FMR1: variants seen among roughly 807,000 people sequenced by gnomAD.
FMR1 encodes the protein fragile X messenger ribonucleoprotein 1, also known as FMRP translational regulator 1.
In FMR1, 13 loss-of-function variants were observed where a neutral mutation model predicts 50.6. The observed-to-expected ratio is 0.26, with a 90% confidence interval of 0.17 to 0.41. The LOEUF (loss-of-function observed/expected upper bound fraction) is 0.41. Ranked by LOEUF, FMR1 falls within the 10% of genes least tolerant of loss-of-function variation. The pLI is 1.00. For missense variants in FMR1, 316 were observed against 491.3 expected, an observed-to-expected ratio of 0.64 and a Z score of 3.37; for synonymous variants, 138 against 164.1, an observed-to-expected ratio of 0.84 and a Z score of 1.22.
chrX:147,913,354 T>C (rs1341189315), intron 1 of FMR1: 1 of 112,430 alleles, frequency 8.9e-6, no homozygotes, highest in African/African-American at 3.2e-5. Context: ...TATAAATTCA[T>C]CTATAAATTC....
At chrX:147,930,085 G>C in intron 6 of FMR1, 43 bp from the exon 7 acceptor site, 1 of 1,137,149 alleles carries the variant, frequency 8.8e-7, no homozygotes, top group Non-Finnish European at 1.2e-6. Flanking sequence ...ATTCATCTGG[G>C]GCAATTGCCT....
intron 7 of FMR1, among the ~76,000 whole-genome samples, chrX:147,932,131 A>G (rs1557178814): frequency 1.8e-5 from 2 of 111,853 alleles, no homozygotes; most frequent in Admixed American, 1.9e-4. Flanking sequence ...TATATTGCTG[A>G]TGTCATTGGT....
In FMR1 at chrX:147,932,723, A is replaced by G. The variant is rs781931767; in HGVS notation, c.840A>G (p.Glu280=). ...DAVKKARSFL[E]FAEDVIQVPR... is the part of the protein sequence containing the mutation. Reference sequence around the variant, plus strand: ...TGAAAAAAGCTAGAAGCTTTCTCGAATTTGCTGAAGATGTAATACAAGTTC... The same window carrying G: ...TGAAAAAAGCTAGAAGCTTTCTCGAGTTTGCTGAAGATGTAATACAAGTTC... The change falls in exon 9 of 17, where the codon GAA becomes GAG. Residue 280 remains glutamate (E), a synonymous_variant. Transcript: ENST00000370475. 5 of 1,208,176 alleles carry G rather than the reference A, an allele frequency of 4.1e-6. No individual in the cohort carries two copies. Among genetic ancestry groups the G allele is most frequent in the Non-Finnish European group, 3.4e-6 (3 of 893,071 alleles).
At chrX:147,925,194 A>G (rs1012785844) in intron 2 of FMR1, 2 of 196,271 alleles carry the variant, frequency 1.0e-5, no homozygotes, top group Non-Finnish European at 1.9e-5. Flanking sequence ...ACTGGTACTA[A>G]TATTCAAATA....
At chrX:147,939,530 T>C (rs997226494) in intron 12 of FMR1, among the ~76,000 whole-genome samples, 20 of 112,002 alleles carry the variant, frequency 1.8e-4, no homozygotes, top group African/African-American at 6.5e-4. Flanking sequence ...GTGTGTACTC[T>C]ATTTACTTGG....
chrX:147,917,040 T>C (rs2042905117), intron 1 of FMR1, among the ~76,000 whole-genome samples: 1 of 112,559 alleles, frequency 8.9e-6, no homozygotes, highest in Non-Finnish European at 1.9e-5. Flanking sequence ...AGGTTTTCTT[T>C]AGGAGGGATA....
chrX:147,945,109 A>ATG (rs199845941), intron 15 of FMR1, 58 bp downstream of exon 15: 93,553 of 1,162,096 alleles, frequency 0.081, 2,844 homozygotes, highest in Middle Eastern at 0.12. Context: ...TTGAAGTTCC[A>ATG]TGAGAAATCC....
At chrX:147,918,565 T>TTTTTTTTTTTTG (rs2043000018) in intron 1 of FMR1, among the ~76,000 whole-genome samples, 1 of 91,729 alleles carries the variant, frequency 1.1e-5, no homozygotes, top group Non-Finnish European at 2.1e-5. Context: ...CTTTTTTTTT[T>TTTTTTTTTTTTG]TTTTTTTTTT....
Position 147,932,520 on chromosome X carries a change from G to A in FMR1, c.726G>A (p.Gln242=), listed in dbSNP as rs989426073. The A allele has an allele frequency of 1.7e-6, 2 of 1,205,326 alleles. No individual in the cohort carries two copies. The highest frequency in any genetic ancestry group is 3.5e-5 in the African/African-American group (2 of 57,097). The change falls in exon 8 of 17, where the codon CAG becomes CAA. Residue 242 remains glutamine (Q), a synonymous_variant. Coordinates refer to ENST00000370475, the MANE Select transcript of FMR1 (RefSeq NM_002024.6). ...LAIGTHGANI[Q]QARKVPGVTA... The stretch of plus-strand genomic sequence containing the variant: ...TTGGTACTCATGGTGCTAATATTCA[G>A]CAAGCTAGAAAAGTACCTGGGGTCA...
chrX:147,946,115 G>C (rs2044162035), intron 16 of FMR1, among the ~76,000 whole-genome samples: 1 of 105,343 alleles, frequency 9.5e-6, no homozygotes, highest in South Asian at 4.4e-4. Flanking sequence ...AACCTCAGGT[G>C]ATCTGCCCAC....
intron 2 of FMR1, among the ~76,000 whole-genome samples, chrX:147,923,572 G>A (rs1286372958): frequency 9.0e-6 from 1 of 111,722 alleles, no homozygotes; most frequent in Non-Finnish European, 1.9e-5. Context: ...TTAAGAATTT[G>A]TCTAGTTTAT....
intron 10 of FMR1, 111 bp from the exon 11 acceptor site, chrX:147,937,355 T>C (rs781877158): frequency 1.7e-5 from 9 of 525,222 alleles, no homozygotes; most frequent in South Asian, 1.4e-4. Flanking sequence ...CAAAACTGTT[T>C]ATAATAACTT....
intron 13 of FMR1, among the ~76,000 whole-genome samples, chrX:147,942,759 C>A (rs1431562831): frequency 8.9e-6 from 1 of 112,440 alleles, no homozygotes; most frequent in Non-Finnish European, 1.9e-5. Context: ...TATCTATATT[C>A]ATACATTTTA....
At position 147,950,824 on chromosome X, in the gene FMR1, G is replaced by A. The variant is rs782412295; in HGVS notation, c.*1980G>A. 1.3e-5 allele frequency: 4 copies of A among 307,627 alleles called. No individual in the cohort carries two copies. The highest frequency in any genetic ancestry group is 1.2e-4 in the South Asian group (4 of 34,108). The allele number at this position is 307,627 out of a possible 1,213,427, so 25.4% of individuals were successfully genotyped here. A position where few individuals can be genotyped will look rare whatever the true frequency, so the allele number is the denominator to read the frequency against. ...ATAAAGCGAAAAACTCAACCAAATGGTACAAAACCACAGTGTACCATTAAA... is the reference window on the plus strand; with the variant it reads ...ATAAAGCGAAAAACTCAACCAAATGATACAAAACCACAGTGTACCATTAAA... On this transcript the variant is annotated 3_prime_UTR_variant, in exon 17 of 17. Coordinates refer to ENST00000370475, the MANE Select transcript of FMR1 (RefSeq NM_002024.6).
In FMR1 at chrX:147,915,981, C is replaced by T. The variant is rs146924565; in HGVS notation, c.51+3751C>T. On this transcript the variant is annotated intron_variant, in intron 1 of 16. Transcript: ENST00000370475. ...TTGTGCTATAACACTGCCTTAGCATCCTATAACTATAGTTACAGTGTTATA... is the reference window on the plus strand; with the variant it reads ...TTGTGCTATAACACTGCCTTAGCATTCTATAACTATAGTTACAGTGTTATA... Among the ~76,000 whole-genome samples the T allele has an allele frequency of 9.7e-3, 1,089 of 112,141 alleles. 12 individuals are homozygous for T. Among genetic ancestry groups the T allele is most frequent in the African/African-American group, 0.034 (1,037 of 30,852 alleles).
intron 8 of FMR1, 28 bp from the exon 9 acceptor site, chrX:147,932,657 T>C (rs1172216816): frequency 8.4e-7 from 1 of 1,197,046 alleles, no homozygotes; most frequent in Non-Finnish European, 1.1e-6. Context: ...GCTAATCTTT[T>C]GTCTTAAAAT....
At chrX:147,941,693 A>T (rs2044008084) in intron 13 of FMR1, among the ~76,000 whole-genome samples, 1 of 176 alleles carries the variant, frequency 5.7e-3, no homozygotes, top group Non-Finnish European at 0.013. Context: ...AAGTATGTTT[A>T]TGTGTAATCT....
chrX:147,944,719 T>C, intron 14 of FMR1, 150 bp from the exon 15 acceptor site: 1 of 1,048,400 alleles, frequency 9.5e-7, no homozygotes. Context: ...AATTTTGTTT[T>C]ATGAAATGGA....
chrX:147,943,446 GT>G (rs2044072460), intron 14 of FMR1, 120 bp downstream of exon 14: 1 of 645,255 alleles, frequency 1.5e-6, no homozygotes, highest in Admixed American at 2.7e-5. Flanking sequence ...CCAATTCACA[GT>G]GGGTTAAATT....
Sources: gnomAD v4.1 joint callset for allele counts (sites outside exome capture counted in the v4.1 genomes callset) on GRCh38, gnomAD v4.1.1 for gene constraint, MANE v1.5 for transcripts, NCBI Gene and HGNC (gene_info 2026-07-23, HGNC 2026-07-21) for gene names.